COG5: variants seen among roughly 807,000 people sequenced by gnomAD.
The protein encoded by COG5 is conserved oligomeric Golgi complex subunit 5.
Under a neutral mutation model 110.4 loss-of-function variants are expected in COG5, and 86 were observed. The observed-to-expected ratio is 0.78, with a 90% CI of 0.65 to 0.93. COG5 has a LOEUF of 0.93. Among genes scored for constraint, COG5 ranks in the 40% least tolerant of loss-of-function variants. The probability of loss-of-function intolerance (pLI) is 0.00; values close to 1 mark genes in which losing one functional copy is unlikely to be tolerated. For missense variants in COG5, 1,077 were observed against 987.0 expected (o/e 1.09, Z -1.22); for synonymous variants, 360 against 334.6 (o/e 1.08, Z -0.83).
At chr7:107,407,263 T>A (rs952816729) in intron 7 of COG5, among the ~76,000 whole-genome samples, 1 of 152,040 alleles carries the variant, frequency 6.6e-6, no homozygotes, top group South Asian at 2.1e-4. Context: ...GTGCCTGTAA[T>A]CCCAGCTACT....
intron 7 of COG5, among the ~76,000 whole-genome samples, chr7:107,380,055 A>C (rs1814979225): frequency 6.6e-6 from 1 of 152,212 alleles, no homozygotes; most frequent in Admixed American, 6.5e-5. Context: ...ATGCAAAAGA[A>C]CGGAAATCCT....
intron 5 of COG5, among the ~76,000 whole-genome samples, chr7:107,543,768 C>A (rs1802222397): frequency 6.6e-6 from 1 of 152,288 alleles, no homozygotes; most frequent in East Asian, 1.9e-4. Context: ...TCCAAGCCTG[C>A]CCTACGGGTC....
At chr7:107,423,323 T>C (rs1002685395) in intron 6 of COG5, among the ~76,000 whole-genome samples, 2 of 152,112 alleles carry the variant, frequency 1.3e-5, no homozygotes, top group Non-Finnish European at 2.9e-5. Context: ...AAAGAAGATA[T>C]AACTATGGAC....
chr7:107,455,661 G>A lies in COG5; in HGVS notation c.539-43029C>T, dbSNP rs62482545. The stretch of plus-strand genomic sequence containing the variant: ...TGTAATAACACCTGTGAGAGAGAGA[G>A]ACAGAGAAATGACTAGAGATCATAG... On this transcript the variant is annotated intron_variant, in intron 6 of 21. Transcript: ENST00000297135. Among the ~76,000 whole-genome samples the A allele has an allele frequency of 4.4e-3, 666 of 152,228 alleles. 2 individuals are homozygous for A. The highest frequency in any genetic ancestry group is 7.6e-3 in the Non-Finnish European group (517 of 68,024).
chr7:107,311,368 ACATTTTT>A (rs1808237663), intron 11 of COG5, among the ~76,000 whole-genome samples: 2 of 98,644 alleles, frequency 2.0e-5, no homozygotes, highest in African/African-American at 6.2e-5. Flanking sequence ...GAGCGTATTT[ACATTTTT>A]TTTTTTTTTT....
At chr7:107,394,211 C>A (rs1310180339) in intron 7 of COG5, among the ~76,000 whole-genome samples, 1 of 151,588 alleles carries the variant, frequency 6.6e-6, no homozygotes, top group Non-Finnish European at 1.5e-5. Context: ...GATCCGCCTG[C>A]CTCGGCCTCC....
At chr7:107,344,754 C>T (rs59515828) in intron 10 of COG5, among the ~76,000 whole-genome samples, 2,004 of 152,252 alleles carry the variant, frequency 0.013, 50 homozygotes, top group African/African-American at 0.045. Context: ...GAACTCCCAA[C>T]CTCAGGTGAT....
At chr7:107,437,167 T>A (rs1342459886) in intron 6 of COG5, among the ~76,000 whole-genome samples, 11 of 152,306 alleles carry the variant, frequency 7.2e-5, no homozygotes, top group Non-Finnish European at 1.6e-4. Flanking sequence ...ATTTACCAAA[T>A]CATTTAAAAA....
chr7:107,562,820 T>G (rs2237678), intron 1 of COG5, among the ~76,000 whole-genome samples: 28,611 of 152,208 alleles, frequency 0.19, 3,190 homozygotes, highest in East Asian at 0.33. Context: ...TTTATTTCAT[T>G]TATTACCCAC....
intron 12 of COG5, among the ~76,000 whole-genome samples, chr7:107,288,086 G>A (rs1231615859): frequency 6.6e-6 from 1 of 152,148 alleles, no homozygotes; most frequent in African/African-American, 2.4e-5. Context: ...TGAAGAGGCC[G>A]CACATAGTGG....
intron 10 of COG5, among the ~76,000 whole-genome samples, chr7:107,348,748 T>C (rs1249885905): frequency 1.3e-5 from 2 of 152,200 alleles, no homozygotes; most frequent in Admixed American, 1.3e-4. Flanking sequence ...CTCTGAACCA[T>C]CTGAAAGTAA....
chr7:107,453,654 AT>A (rs977746196), intron 6 of COG5, among the ~76,000 whole-genome samples: 2 of 152,170 alleles, frequency 1.3e-5, no homozygotes, highest in African/African-American at 4.8e-5. Context: ...AAACAATGGT[AT>A]TTTTAACTTA....
intron 5 of COG5, among the ~76,000 whole-genome samples, chr7:107,541,333 C>CA (rs991230191): frequency 6.7e-6 from 1 of 148,838 alleles, no homozygotes; most frequent in Non-Finnish European, 1.5e-5. Flanking sequence ...CCGGTCTCTA[C>CA]AAAAAATACA....
intron 7 of COG5, among the ~76,000 whole-genome samples, chr7:107,411,046 A>C (rs1338377743): frequency 3.9e-5 from 6 of 152,220 alleles, no homozygotes; most frequent in Non-Finnish European, 8.8e-5. Context: ...AATGGAGAGA[A>C]AACAGTACTG....
At chr7:107,492,422 A>G (rs1035206661) in intron 6 of COG5, among the ~76,000 whole-genome samples, 1 of 152,220 alleles carries the variant, frequency 6.6e-6, no homozygotes, top group East Asian at 1.9e-4. Flanking sequence ...GTAAAGTCCA[A>G]AACAGGTCAC....
chr7:107,274,226 T>C (rs1265583439), intron 14 of COG5, among the ~76,000 whole-genome samples: 1 of 152,082 alleles, frequency 6.6e-6, no homozygotes, highest in African/African-American at 2.4e-5. Flanking sequence ...CCTAGGAGTT[T>C]GGGGCTTTAG....
At chr7:107,298,390 G>T in intron 11 of COG5, 44 bp from the exon 12 acceptor site, 1 of 1,489,544 alleles carries the variant, frequency 6.7e-7, no homozygotes, top group Non-Finnish European at 9.3e-7. Context: ...ATAATAAAAT[G>T]TAGTAAATGT....
chr7:107,366,598 G>A (rs987797143), intron 8 of COG5, among the ~76,000 whole-genome samples: 3 of 152,032 alleles, frequency 2.0e-5, no homozygotes, highest in Non-Finnish European at 4.4e-5. Flanking sequence ...AAACCATTTG[G>A]ACAGTCAAGA....
intron 14 of COG5, among the ~76,000 whole-genome samples, chr7:107,264,843 G>T (rs1803671213): frequency 6.6e-6 from 1 of 152,020 alleles, no homozygotes; most frequent in South Asian, 2.1e-4. Flanking sequence ...GGTCTATTAG[G>T]CAATTCACAT....
Sources: gnomAD v4.1 joint callset for allele counts (sites outside exome capture counted in the v4.1 genomes callset) on GRCh38, gnomAD v4.1.1 for gene constraint, MANE v1.5 for transcripts, NCBI Gene and HGNC (gene_info 2026-07-23, HGNC 2026-07-21) for gene names.